TIAM1: variants seen among roughly 807,000 people sequenced by gnomAD.
TIAM1 encodes TIAM Rac1 associated GEF 1.
Under a neutral mutation model 163.5 loss-of-function variants are expected in TIAM1, and 65 were observed. The ratio of observed to expected loss-of-function variants is 0.40; its 90% CI spans 0.33 to 0.49. TIAM1 has a LOEUF of 0.49. TIAM1 is among the 20% of genes least tolerant of loss of function. TIAM1 has a pLI of 0.77. For synonymous variants in TIAM1, 833 were observed against 810.1 expected (o/e 1.03, Z -0.48); for missense variants, 1,789 against 2,044.7 (o/e 0.87, Z 2.41).
At position 31,391,394 on chromosome 21, in the gene TIAM1, A is replaced by G. The variant is rs577278291; in HGVS notation, c.-368-51972T>C. ...AATCCTAGCACTTTGGGAGGCCGAG[A>G]CAGGCAGATCACCTGAGGTCAGGAG... On this transcript the variant is annotated intron_variant, in intron 2 of 28. Coordinates refer to the TIAM1 transcript ENST00000286827. Among the ~76,000 whole-genome samples the G allele has an allele frequency of 7.2e-5, 11 of 152,178 alleles. No individual in the cohort carries two copies. The East Asian group carries it at 1.9e-3, about 27-fold the overall frequency.
chr21:31,534,025 G>A (rs983816060), intron 1 of TIAM1, among the ~76,000 whole-genome samples: 2 of 152,196 alleles, frequency 1.3e-5, no homozygotes, highest in African/African-American at 4.8e-5. Context: ...GGACACACAT[G>A]CCCTGTGGTC....
intron 2 of TIAM1, among the ~76,000 whole-genome samples, chr21:31,367,726 G>C (rs931303576): frequency 3.9e-5 from 6 of 152,086 alleles, no homozygotes; most frequent in African/African-American, 1.4e-4. Context: ...GGGTAACTCT[G>C]TCCTTTATCA....
At chr21:31,378,012 T>G (rs1249647497) in intron 2 of TIAM1, among the ~76,000 whole-genome samples, 2 of 151,752 alleles carry the variant, frequency 1.3e-5, no homozygotes, top group East Asian at 3.9e-4. Context: ...GGTACATGCC[T>G]GTAATCCCAG....
intron 2 of TIAM1, among the ~76,000 whole-genome samples, chr21:31,284,155 G>A (rs1467715291): frequency 6.6e-6 from 1 of 152,172 alleles, no homozygotes; most frequent in African/African-American, 2.4e-5. Flanking sequence ...ATCTAAGCTC[G>A]TGCAAGAAGA....
At chr21:31,497,760 C>G (rs1381693045) in intron 1 of TIAM1, among the ~76,000 whole-genome samples, 1 of 152,204 alleles carries the variant, frequency 6.6e-6, no homozygotes, top group African/African-American at 2.4e-5. Flanking sequence ...AAGAAATCAG[C>G]TAAAAGCCAC....
intron 19 of TIAM1, among the ~76,000 whole-genome samples, chr21:31,150,017 T>C (rs766375622): frequency 4.6e-5 from 7 of 152,086 alleles, no homozygotes; most frequent in African/African-American, 7.2e-5. Context: ...TGTACACACA[T>C]GCACATATGG....
intron 1 of TIAM1, among the ~76,000 whole-genome samples, chr21:31,545,850 T>C (rs1401267849): frequency 6.6e-6 from 1 of 152,198 alleles, no homozygotes; most frequent in Non-Finnish European, 1.5e-5. Context: ...TTAATCTCCA[T>C]GTGTAAAGTG....
In TIAM1 at chr21:31,507,179, ATTTTTTTTTTTTTTTTTTTTTTTTTTTT is replaced by A. The variant is rs572356384; in HGVS notation, c.-421-43172_-421-43145del. 7.2e-4 allele frequency among the ~76,000 whole-genome samples: 32 copies of A among 44,586 alleles called. 1 individual carries two copies. The highest frequency in any genetic ancestry group is 2.2e-3 in the African/African-American group (23 of 10,290). The allele number at this position is 44,586 out of a possible 152,430, so 29.3% of individuals were successfully genotyped here. ...TTTTTGAGGTGCATGCACCTTTTTA[ATTTTTTTTTTTTTTTTTTTTTTTTTTTT>A]TTTTTTTTTTTTTTTTGAGACAGAG... On this transcript the variant is annotated intron_variant, in intron 1 of 28. Transcript: ENST00000286827.
At chr21:31,500,770 C>G (rs1001010917) in intron 1 of TIAM1, among the ~76,000 whole-genome samples, 2 of 152,198 alleles carry the variant, frequency 1.3e-5, no homozygotes, top group Admixed American at 1.3e-4. Context: ...AGGCATGGAA[C>G]TGACGGTCCC....
rs1227984960 is a variant in TIAM1 at position 31,120,531 on chromosome 21, C to T, written c.4613G>A (p.Arg1538Lys). ...GTGACTATCCAGGGTTTTCCGGCCT[C>T]TTTCCCGCTGACTGATGGAGGTGGC... ...LQATSISQRE[R>K]GRKTLDSHAS... is the part of the protein sequence containing the mutation. Residue 1538 changes from arginine to lysine, a missense_variant, in exon 28 of 28, where the codon AGA becomes AAA. Physicochemically the swap from Arg to Lys is conservative, Grantham distance 26. This residue lies in a region of TIAM1 where 415 missense variants were observed against 439.2 expected (regional missense o/e 0.94). Transcript: ENST00000541036. This position sits in a 1 kb window ranked among gnomAD's most constrained non-coding sequence, Gnocchi z 4.2. 6.2e-7 allele frequency: 1 copy of T among 1,614,120 alleles called. No homozygotes were observed. The highest frequency in any genetic ancestry group is 1.3e-5 in the African/African-American group (1 of 74,952).
chr21:31,483,827 C>G (rs1455951028), intron 1 of TIAM1, among the ~76,000 whole-genome samples: 1 of 151,940 alleles, frequency 6.6e-6, no homozygotes, highest in African/African-American at 2.4e-5. Flanking sequence ...AACTCCCAAG[C>G]AGATCCAAGG....
In TIAM1 at chr21:31,229,279, CAG is replaced by C. The variant is rs538996174; in HGVS notation, c.1585-3331_1585-3330del. Among the ~76,000 whole-genome samples the C allele has an allele frequency of 2.3e-3, 347 of 152,132 alleles. 2 individuals are homozygous for C. Among genetic ancestry groups the C allele is most frequent in the African/African-American group, 7.8e-3 (323 of 41,494 alleles). ...CATGGTGCTGGGTGCTGGTGTATGA[CAG>C]GGGTGTGTTCAGTTTGTTAAACACC... On this transcript the variant is annotated intron_variant, in intron 6 of 27. Transcript: ENST00000541036.
intron 15 of TIAM1, among the ~76,000 whole-genome samples, chr21:31,166,196 C>T (rs2084206170): frequency 6.6e-6 from 1 of 152,178 alleles, no homozygotes; most frequent in African/African-American, 2.4e-5. Flanking sequence ...AATAGAAAGA[C>T]TCTAGAACAT....
At chr21:31,533,342 A>T (rs534391386) in intron 1 of TIAM1, among the ~76,000 whole-genome samples, 1 of 152,316 alleles carries the variant, frequency 6.6e-6, no homozygotes, top group Non-Finnish European at 1.5e-5. Flanking sequence ...TAATAAAATA[A>T]ATTTTCTAGT....
rs2076219213 is a variant in TIAM1 at position 31,350,631 on chromosome 21, C to T, written c.-368-11209G>A. Among the ~76,000 whole-genome samples the T allele has an allele frequency of 2.6e-5, 4 of 152,138 alleles. No homozygotes were observed. In the South Asian group the frequency reaches 8.3e-4, roughly 32 times the overall value. Reference sequence around the variant, plus strand: ...TCCCCGCATCTCTCTTTTGCTCCTGCTCTGGCACGTGACATGTCTGCTCCT... The same window carrying T: ...TCCCCGCATCTCTCTTTTGCTCCTGTTCTGGCACGTGACATGTCTGCTCCT... On this transcript the variant is annotated intron_variant, in intron 2 of 28. Coordinates refer to the TIAM1 transcript ENST00000286827.
intron 2 of TIAM1, among the ~76,000 whole-genome samples, chr21:31,436,283 C>T (rs115135916): frequency 0.031 from 4,677 of 152,268 alleles, 221 homozygotes; most frequent in African/African-American, 0.11. Flanking sequence ...GCCTCTGGCA[C>T]ATGGCAGCCA....
intron 2 of TIAM1, among the ~76,000 whole-genome samples, chr21:31,396,762 T>C (rs1457473266): frequency 6.6e-6 from 1 of 151,690 alleles, no homozygotes; most frequent in Non-Finnish European, 1.5e-5. Flanking sequence ...CCAGCCTGGC[T>C]TCACATGGTG....
chr21:31,357,126 C>A (rs774942026), intron 2 of TIAM1, among the ~76,000 whole-genome samples: 1 of 152,158 alleles, frequency 6.6e-6, no homozygotes, highest in Non-Finnish European at 1.5e-5. Context: ...ACACCTGTAC[C>A]CAGACAGCTG....
chr21:31,438,366 A>AT, intron 2 of TIAM1, among the ~76,000 whole-genome samples: 1 of 151,316 alleles, frequency 6.6e-6, no homozygotes. Flanking sequence ...TAATTTTTGT[A>AT]TTTTTAGTAG....
Sources: gnomAD v4.1 joint callset for allele counts (sites outside exome capture counted in the v4.1 genomes callset) on GRCh38, gnomAD v4.1.1 for gene constraint, gnomAD v4.1.1 regional missense constraint, Gnocchi (gnomAD v3.1) non-coding constraint, MANE v1.5 for transcripts, NCBI Gene and HGNC (gene_info 2026-07-23, HGNC 2026-07-21) for gene names.